Variants in RPRD1A observed in about 807,000 individuals in gnomAD.
The protein encoded by RPRD1A is regulation of nuclear pre-mRNA domain containing 1A, also known as regulation of nuclear pre-mRNA domain-containing protein 1A.
A neutral mutation model predicts 37.8 loss-of-function variants in RPRD1A; 9 were observed. That is an observed-to-expected ratio of 0.24 (90% CI 0.14 to 0.42). The LOEUF (loss-of-function observed/expected upper bound fraction) is 0.42. RPRD1A is among the 10% of genes least tolerant of loss of function. The pLI, the probability that RPRD1A is intolerant of heterozygous loss-of-function variation, is 1.00. For missense variants in RPRD1A, 255 were observed against 371.0 expected (o/e 0.69, Z 2.57); for synonymous variants, 138 against 139.7 (o/e 0.99, Z 0.08).
chr18:36,058,528 T>G (rs1219867910), intron 1 of RPRD1A, among the ~76,000 whole-genome samples: 2 of 152,218 alleles, frequency 1.3e-5, no homozygotes, highest in Non-Finnish European at 2.9e-5. Flanking sequence ...ACAACTTTTT[T>G]TAAAAAACCT....
At chr18:36,042,285 A>T (rs1743624920) in intron 1 of RPRD1A, among the ~76,000 whole-genome samples, 1 of 152,120 alleles carries the variant, frequency 6.6e-6, no homozygotes, top group Non-Finnish European at 1.5e-5. Context: ...CCCTAACTAT[A>T]ATTATTTTTA....
Position 36,031,235 on chromosome 18 carries a change from C to T in RPRD1A, c.282-138G>A, listed in dbSNP as rs571235639. On this transcript the variant is annotated intron_variant, in intron 2 of 6. Transcript: ENST00000399022. ...AACTGTCCAAATGTCTACTTAGCAT[C>T]ACTATGTGGCCAGCAGCTCAAAAGT... is the stretch of plus-strand genomic sequence containing the variant. 1.5e-5 allele frequency: 16 copies of T among 1,071,856 alleles called. No individual in the cohort carries two copies. In the African/African-American group the frequency reaches 2.4e-4, roughly 16 times the overall value. 66.4% of individuals were successfully genotyped at this position (1,071,856 alleles called of 1,614,324 possible).
chr18:36,064,805 T>C lies in RPRD1A; in HGVS notation c.151+2449A>G, dbSNP rs535656389. 3.1e-3 allele frequency among the ~76,000 whole-genome samples: 471 copies of C among 152,190 alleles called. 2 individuals are homozygous for C. The highest frequency in any genetic ancestry group is 5.9e-3 in the Non-Finnish European group (401 of 67,988). On this transcript the variant is annotated intron_variant, in intron 1 of 6. Transcript: ENST00000399022. ...TTGTTCTTTCACTCTTCACAATAAA[T>C]CTTGCTGCTGCTCACTCTTTGGGTC...
At chr18:36,061,477 T>C (rs2088909638) in intron 1 of RPRD1A, among the ~76,000 whole-genome samples, 1 of 152,186 alleles carries the variant, frequency 6.6e-6, no homozygotes, top group African/African-American at 2.4e-5. Context: ...CTCCTATCTA[T>C]CTTGTTTTGT....
At chr18:36,024,086 A>T (rs981560284) in intron 6 of RPRD1A, among the ~76,000 whole-genome samples, 4 of 152,132 alleles carry the variant, frequency 2.6e-5, no homozygotes, top group African/African-American at 9.7e-5. Context: ...GCAATCCCTA[A>T]ATATTATAAA....
chr18:36,011,420 A>G (rs1054617192), intron 6 of RPRD1A, among the ~76,000 whole-genome samples: 1 of 152,192 alleles, frequency 6.6e-6, no homozygotes, highest in Non-Finnish European at 1.5e-5. Flanking sequence ...TTCTGGCCTT[A>G]TATCTTCAAC....
chr18:36,006,647 G>C (rs575359584), intron 6 of RPRD1A, among the ~76,000 whole-genome samples: 2 of 152,314 alleles, frequency 1.3e-5, no homozygotes, highest in African/African-American at 4.8e-5. Flanking sequence ...TTCAAGGGCA[G>C]CATCACCTGA....
chr18:36,052,366 G>C (rs546003072), intron 1 of RPRD1A, among the ~76,000 whole-genome samples: 5 of 150,998 alleles, frequency 3.3e-5, no homozygotes, highest in African/African-American at 1.2e-4. Flanking sequence ...AAGAAATAAC[G>C]AACATCAATA....
At chr18:35,993,609 A>G (rs1908844401) in intron 6 of RPRD1A, among the ~76,000 whole-genome samples, 1 of 152,196 alleles carries the variant, frequency 6.6e-6, no homozygotes, top group African/African-American at 2.4e-5. Context: ...AAAATTACAT[A>G]TTTATTTTCA....
At chr18:36,058,641 G>T (rs1347312964) in intron 1 of RPRD1A, among the ~76,000 whole-genome samples, 1 of 152,126 alleles carries the variant, frequency 6.6e-6, no homozygotes, top group African/African-American at 2.4e-5. Flanking sequence ...ATTTTAGAGG[G>T]ATATGTCTGC....
intron 1 of RPRD1A, among the ~76,000 whole-genome samples, chr18:36,038,182 G>C (rs1239500860): frequency 1.3e-5 from 2 of 152,222 alleles, no homozygotes; most frequent in South Asian, 2.1e-4. Flanking sequence ...AACGTCTCCA[G>C]GGCATGTCAG....
At chr18:36,035,949 GA>G (rs1242802234) in intron 1 of RPRD1A, among the ~76,000 whole-genome samples, 2 of 152,128 alleles carry the variant, frequency 1.3e-5, no homozygotes, top group Non-Finnish European at 2.9e-5. Flanking sequence ...AGGAGAATAG[GA>G]AATTATTCAT....
At chr18:36,060,357 CG>C (rs2088882682) in intron 1 of RPRD1A, among the ~76,000 whole-genome samples, 1 of 151,858 alleles carries the variant, frequency 6.6e-6, no homozygotes, top group Non-Finnish European at 1.5e-5. Flanking sequence ...GGCATGAACC[CG>C]GGAAGGTGGA....
At chr18:36,046,744 G>A (rs1011412773) in intron 1 of RPRD1A, among the ~76,000 whole-genome samples, 34 of 151,722 alleles carry the variant, frequency 2.2e-4, no homozygotes, top group African/African-American at 8.2e-4. Flanking sequence ...GCTGAGGTGG[G>A]AGGACTGCTG....
At chr18:36,021,000 A>G (rs1296063763) in intron 6 of RPRD1A, among the ~76,000 whole-genome samples, 3 of 152,228 alleles carry the variant, frequency 2.0e-5, no homozygotes, top group African/African-American at 7.2e-5. Context: ...CTTTGATGGA[A>G]ATAATTACTT....
intron 6 of RPRD1A, among the ~76,000 whole-genome samples, chr18:36,012,182 T>C (rs1391594850): frequency 2.6e-5 from 4 of 152,164 alleles, no homozygotes; most frequent in African/African-American, 9.7e-5. Flanking sequence ...TCCTATCACC[T>C]AGTGACCATT....
chr18:35,990,017 A>G lies in RPRD1A; in HGVS notation c.*3134T>C, dbSNP rs2144119306. 6.6e-6 allele frequency: 1 copy of G among 152,336 alleles called. No individual in the cohort carries two copies. The highest frequency in any genetic ancestry group is 1.9e-4 in the East Asian group (1 of 5,188). The allele number at this position is 152,336 out of a possible 1,614,324, so 9.4% of individuals were successfully genotyped here. On this transcript the variant is annotated 3_prime_UTR_variant, in exon 7 of 7. Transcript: ENST00000399022. ...GCTCTGTATAAATAATTCATTAAGT[A>G]ACACAATGTTTCCTTTCTATACAGA... is the stretch of plus-strand genomic sequence containing the variant.
intron 6 of RPRD1A, among the ~76,000 whole-genome samples, chr18:35,994,326 GC>G (rs1217977819): frequency 2.6e-5 from 4 of 152,228 alleles, no homozygotes; most frequent in African/African-American, 9.6e-5. Context: ...AAGAAACCCA[GC>G]TAGGAGTTTA....
At chr18:35,996,365 A>G (rs1909057137) in intron 6 of RPRD1A, among the ~76,000 whole-genome samples, 1 of 152,198 alleles carries the variant, frequency 6.6e-6, no homozygotes, top group Non-Finnish European at 1.5e-5. Context: ...ATGCTAAAAC[A>G]CAGGCATCAT....
Sources: allele counts gnomAD v4.1 joint callset (sites outside exome capture counted in the v4.1 genomes callset), GRCh38; gene constraint gnomAD v4.1.1; transcripts MANE v1.5; gene names NCBI Gene and HGNC (gene_info 2026-07-23, HGNC 2026-07-21).